Variants in SMCO2 observed in about 807,000 individuals in gnomAD.
SMCO2 encodes the protein single-pass membrane and coiled-coil domain-containing protein 2.
Under a neutral mutation model 29.5 loss-of-function variants are expected in SMCO2, and 25 were observed. The ratio of observed to expected loss-of-function variants is 0.85; its 90% CI spans 0.62 to 1.18. SMCO2 has a LOEUF of 1.18. Ranked by LOEUF, SMCO2 falls within the 50% of genes most tolerant of loss-of-function variation. The pLI is 0.00. For synonymous variants in SMCO2, 117 were observed against 123.3 expected (o/e 0.95, Z 0.34); for missense variants, 348 against 344.5 (o/e 1.01, Z -0.08).
intron 4 of SMCO2, among the ~76,000 whole-genome samples, chr12:27,479,232 C>G (rs1427636430): frequency 6.6e-6 from 1 of 152,096 alleles, no homozygotes; most frequent in Non-Finnish European, 1.5e-5. Flanking sequence ...TGGCTGATAT[C>G]TGGGCCCCTG....
At chr12:27,427,016 G>A in the SMCO2 span, among the ~76,000 whole-genome samples, 3 of 152,150 alleles carry the variant, frequency 2.0e-5, no homozygotes, top group Non-Finnish European at 2.9e-5. Context: ...AATTGAAAAC[G>A]CCACAGTCCC....
exon 8 of SMCO2, chr12:27,501,928 G>C (rs1263430859): frequency 6.5e-7 from 1 of 1,535,484 alleles, no homozygotes; most frequent in Non-Finnish European, 8.8e-7. Flanking sequence ...TGTAGGAAAC[G>C]TGCACTGAGG....
chr12:27,470,384 G>A (rs192279040), intron 1 of SMCO2, among the ~76,000 whole-genome samples: 8 of 152,090 alleles, frequency 5.3e-5, no homozygotes, highest in African/African-American at 1.2e-4. Context: ...CATTCAAAGC[G>A]CACATTTACC....
intron 4 of SMCO2, among the ~76,000 whole-genome samples, chr12:27,480,626 T>C (rs1358403865): frequency 6.6e-6 from 1 of 152,158 alleles, no homozygotes; most frequent in East Asian, 1.9e-4. Context: ...GGCTTGGTGC[T>C]GTCCTCAGGA....
rs1404242774 is a variant in SMCO2 at position 27,494,506 on chromosome 12, T to C, written c.507+150T>C. ...ATTTAATTTATTATTATTATTATTA[T>C]TATTATTATTATTATTATACTTTAA... On this transcript the variant is annotated intron_variant, in intron 6 of 7. Coordinates refer to ENST00000298876, the Ensembl canonical transcript of SMCO2. The C allele has an allele frequency of 2.5e-4, 52 of 207,990 alleles. 4 individuals carry two copies. The allele number at this position is 207,990 out of a possible 1,614,324, so 12.9% of individuals were successfully genotyped here. A position where few individuals can be genotyped will look rare whatever the true frequency, so the allele number is the denominator to read the frequency against.
At chr12:27,439,777 G>A in the SMCO2 span, among the ~76,000 whole-genome samples, 1 of 152,020 alleles carries the variant, frequency 6.6e-6, no homozygotes, top group South Asian at 2.1e-4. Context: ...TTGAAGACTG[G>A]CATTTGAAAA....
chr12:27,428,060 C>T, the SMCO2 span, among the ~76,000 whole-genome samples: 6 of 152,020 alleles, frequency 3.9e-5, no homozygotes, highest in Admixed American at 3.9e-4. Flanking sequence ...TTGTGGGTGA[C>T]ACCAGTTGGT....
At chr12:27,459,729 C>T in the SMCO2 span, among the ~76,000 whole-genome samples, 1 of 152,162 alleles carries the variant, frequency 6.6e-6, no homozygotes, top group South Asian at 2.1e-4. Flanking sequence ...TGTGGGCTTC[C>T]TCATTGCCCA....
rs931943153 is a variant in SMCO2 at position 27,499,702 on chromosome 12, T to A, written c.684-2221T>A. On this transcript the variant is annotated intron_variant, in intron 7 of 7. Transcript: ENST00000298876. The stretch of plus-strand genomic sequence containing the variant: ...TATAATCAGGCTGAGTTGCTCATCT[T>A]TTTCTCACATGATTACATTCTAATT... 1.1e-4 allele frequency among the ~76,000 whole-genome samples: 16 copies of A among 150,860 alleles called. 1 individual carries two copies. Among genetic ancestry groups the A allele is most frequent in the African/African-American group, 3.7e-4 (15 of 40,374 alleles).
intron 4 of SMCO2, 47 bp from the exon 6 acceptor site, chr12:27,488,413 G>T: frequency 1.5e-6 from 2 of 1,314,298 alleles, no homozygotes; most frequent in Non-Finnish European, 2.0e-6. Flanking sequence ...CCTCTCTTGG[G>T]TGATTTTTCT....
chr12:27,453,136 T>C, the SMCO2 span, among the ~76,000 whole-genome samples: 114,744 of 152,032 alleles, frequency 0.75, 43,594 homozygotes, highest in Middle Eastern at 0.89. Context: ...ATTCTGGAGT[T>C]GAGCATCCAT....
intron 2 of SMCO2, among the ~76,000 whole-genome samples, 171 bp downstream of exon 2, chr12:27,470,936 G>T (rs1949536133): frequency 6.6e-6 from 1 of 152,042 alleles, no homozygotes; most frequent in South Asian, 2.1e-4. Context: ...TAGGCCTTAT[G>T]AGAAGCTAAA....
chr12:27,462,301 A>G (rs1411046474), upstream of SMCO2, among the ~76,000 whole-genome samples: 1 of 152,108 alleles, frequency 6.6e-6, no homozygotes, highest in Admixed American at 6.5e-5. Context: ...CTTTACTATC[A>G]TAGGAAATGA....
chr12:27,460,593 G>A, the SMCO2 span, among the ~76,000 whole-genome samples: 24 of 152,118 alleles, frequency 1.6e-4, no homozygotes, highest in Non-Finnish European at 2.8e-4. Flanking sequence ...AGGAGAAGCC[G>A]GGGGTTGGTC....
chr12:27,498,929 A>G (rs1943044120), intron 7 of SMCO2, among the ~76,000 whole-genome samples: 1 of 150,660 alleles, frequency 6.6e-6, no homozygotes, highest in South Asian at 2.1e-4. Flanking sequence ...AGTAAAAAAG[A>G]CAGACAATAA....
chr12:27,467,783 C>T (rs776197), intron 1 of SMCO2, among the ~76,000 whole-genome samples: 125,735 of 152,102 alleles, frequency 0.83, 52,511 homozygotes, highest in Middle Eastern at 0.94. Flanking sequence ...TCTCTGTGTT[C>T]CAGTTTCTTC....
rs534546824 is a variant in SMCO2, at chr12:27,471,156, G to A, written c.134+391G>A. Reference sequence around the variant, plus strand: ...TAGTACGTGTTTAAAATGCATACTAGTTTAGCTATGATCAACACCTTTTTA... The same window carrying A: ...TAGTACGTGTTTAAAATGCATACTAATTTAGCTATGATCAACACCTTTTTA... On this transcript the variant is annotated intron_variant, in intron 2 of 7. Transcript: ENST00000298876. 1.5e-4 allele frequency among the ~76,000 whole-genome samples: 23 copies of A among 152,216 alleles called. No individual in the cohort carries two copies. In the South Asian group the frequency reaches 3.5e-3, roughly 23 times the overall value.
upstream of SMCO2, among the ~76,000 whole-genome samples, chr12:27,465,969 C>T (rs1949495421): frequency 6.6e-6 from 1 of 152,048 alleles, no homozygotes; most frequent in Admixed American, 6.6e-5. Flanking sequence ...TCCATGGGTG[C>T]CGAGTTCACC....
chr12:27,457,671 T>C, the SMCO2 span, among the ~76,000 whole-genome samples: 2 of 152,252 alleles, frequency 1.3e-5, no homozygotes, highest in Admixed American at 6.5e-5. Flanking sequence ...GCCAAAAGCA[T>C]GTCAATGCTA....
Sources: gnomAD v4.1 joint callset for allele counts (sites outside exome capture counted in the v4.1 genomes callset) on GRCh38, gnomAD v4.1.1 for gene constraint, MANE v1.5 for transcripts, NCBI Gene and HGNC (gene_info 2026-07-23, HGNC 2026-07-21) for gene names.